Variants in CDK17 observed in about 807,000 individuals in gnomAD.
The protein encoded by CDK17 is cyclin dependent kinase 17.
A neutral mutation model predicts 77.6 loss-of-function variants in CDK17; 24 were observed. That is an observed-to-expected ratio of 0.31 (90% CI 0.22 to 0.44). CDK17 has a LOEUF of 0.44. CDK17 is among the 20% of genes least tolerant of loss of function. The pLI is 1.00. For missense variants in CDK17, 429 were observed against 622.5 expected (o/e 0.69, Z 3.31); for synonymous variants, 203 against 210.4 (o/e 0.96, Z 0.30).
At chr12:96,286,221 A>G in intron 12 of CDK17, 73 bp from the exon 13 acceptor site, 2 of 339,024 alleles carry the variant, frequency 5.9e-6, no homozygotes, top group South Asian at 2.1e-4. Flanking sequence ...ATATACACAT[A>G]TATATAACAA....
chr12:96,317,078 A>G (rs1317111061), intron 3 of CDK17, among the ~76,000 whole-genome samples: 3 of 131,824 alleles, frequency 2.3e-5, no homozygotes, highest in Admixed American at 1.5e-4. Context: ...AGAAGAATGT[A>G]TAACTAGAAT....
chr12:96,348,060 G>A (rs1953251562), intron 1 of CDK17, among the ~76,000 whole-genome samples: 1 of 151,990 alleles, frequency 6.6e-6, no homozygotes, highest in Non-Finnish European at 1.5e-5. Flanking sequence ...GTGTAAAGAG[G>A]ATGTTTATAG....
chr12:96,322,189 T>G (rs1952829032), intron 3 of CDK17, among the ~76,000 whole-genome samples: 1 of 152,160 alleles, frequency 6.6e-6, no homozygotes. Flanking sequence ...GTCAGAACTT[T>G]ACTCATCTGT....
At chr12:96,329,103 T>C (rs373489870) in intron 2 of CDK17, among the ~76,000 whole-genome samples, 1 of 152,198 alleles carries the variant, frequency 6.6e-6, no homozygotes, top group East Asian at 1.9e-4. Context: ...GGCAAATTCA[T>C]AGACAGTAGA....
chr12:96,292,738 A>T (rs1405818775), intron 10 of CDK17, among the ~76,000 whole-genome samples: 2 of 152,220 alleles, frequency 1.3e-5, no homozygotes, highest in Non-Finnish European at 2.9e-5. Context: ...GAATACAAAA[A>T]ATTCAAAGCT....
At chr12:96,321,959 T>TA (rs879439357) in intron 3 of CDK17, among the ~76,000 whole-genome samples, 72 of 142,206 alleles carry the variant, frequency 5.1e-4, no homozygotes, top group Non-Finnish European at 6.2e-4. Context: ...TAAAGTATAA[T>TA]AAAAAAAAAA....
chr12:96,392,712 T>A (rs1287957217), intron 1 of CDK17, among the ~76,000 whole-genome samples: 1 of 152,128 alleles, frequency 6.6e-6, no homozygotes, highest in Non-Finnish European at 1.5e-5. Flanking sequence ...AAGGGAGCAC[T>A]AAGGCAATAT....
chr12:96,393,231 G>A (rs751477790), intron 1 of CDK17, among the ~76,000 whole-genome samples: 31 of 151,760 alleles, frequency 2.0e-4, no homozygotes, highest in Non-Finnish European at 3.5e-4. Context: ...GGGCATAGTG[G>A]CAGACACCTG....
At chr12:96,281,649 G>A (rs1257127998) in intron 15 of CDK17, 1 of 152,290 alleles carries the variant, frequency 6.6e-6, no homozygotes, top group Non-Finnish European at 1.5e-5. Flanking sequence ...TTACAGGCAT[G>A]AGCCATCGCG....
intron 9 of CDK17, chr12:96,295,385 T>C: frequency 4.6e-6 from 1 of 216,860 alleles, no homozygotes; most frequent in Non-Finnish European, 9.0e-6. Flanking sequence ...AGTAACTTCC[T>C]CCTAGCAGTA....
At chr12:96,294,915 T>A in intron 10 of CDK17, 84 bp downstream of exon 10, 1 of 1,164,272 alleles carries the variant, frequency 8.6e-7, no homozygotes, top group East Asian at 2.5e-5. Flanking sequence ...ATAAAAGCAA[T>A]GGCACATTAT....
intron 3 of CDK17, among the ~76,000 whole-genome samples, chr12:96,314,204 T>C (rs1451018196): frequency 6.6e-6 from 1 of 152,076 alleles, no homozygotes; most frequent in East Asian, 1.9e-4. Context: ...AGACATATAC[T>C]GTTTTGTTTT....
At chr12:96,284,071 A>C (rs1162816980) in intron 13 of CDK17, among the ~76,000 whole-genome samples, 1 of 152,246 alleles carries the variant, frequency 6.6e-6, no homozygotes, top group Non-Finnish European at 1.5e-5. Flanking sequence ...GTTCAAGACA[A>C]ACACAGAAAT....
intron 4 of CDK17, among the ~76,000 whole-genome samples, chr12:96,312,433 A>G (rs1045902144): frequency 5.3e-5 from 8 of 152,218 alleles, no homozygotes; most frequent in African/African-American, 1.9e-4. Context: ...ATCATCTATA[A>G]GGTGAAGAAA....
intron 10 of CDK17, among the ~76,000 whole-genome samples, chr12:96,292,264 G>C (rs141441741): frequency 0.025 from 3,741 of 152,158 alleles, 60 homozygotes; most frequent in Middle Eastern, 0.058. Context: ...AGTAATACTT[G>C]AAACACTCAT....
At chr12:96,282,713 T>C (rs1304162374) in intron 14 of CDK17, 114 bp from the exon 15 acceptor site, 1 of 649,558 alleles carries the variant, frequency 1.5e-6, no homozygotes, top group African/African-American at 1.8e-5. Flanking sequence ...TTATTTAATA[T>C]GATGACTATT....
At chr12:96,379,989 T>G (rs1953849387) in intron 1 of CDK17, among the ~76,000 whole-genome samples, 1 of 151,580 alleles carries the variant, frequency 6.6e-6, no homozygotes, top group Non-Finnish European at 1.5e-5. Context: ...GGCAACACAG[T>G]GAGACCCCAT....
intron 9 of CDK17, 95 bp downstream of exon 9, chr12:96,297,175 C>T (rs534876946): frequency 3.2e-4 from 225 of 707,362 alleles, no homozygotes; most frequent in Non-Finnish European, 4.3e-4. Flanking sequence ...ACAGAAAACC[C>T]TGAAGAAGAG....
chr12:96,318,018 G>C (rs1215837227), intron 3 of CDK17, among the ~76,000 whole-genome samples: 1 of 152,072 alleles, frequency 6.6e-6, no homozygotes, highest in Non-Finnish European at 1.5e-5. Flanking sequence ...TGGATAAAGA[G>C]TCAAGACTCA....
Sources: gnomAD v4.1 joint callset for allele counts (sites outside exome capture counted in the v4.1 genomes callset) on GRCh38, gnomAD v4.1.1 for gene constraint, MANE v1.5 for transcripts, NCBI Gene and HGNC (gene_info 2026-07-23, HGNC 2026-07-21) for gene names.